Variants in TMEM178B observed in about 807,000 individuals in gnomAD.
The protein encoded by TMEM178B is transmembrane protein 178B.
In TMEM178B, 5 loss-of-function variants were observed where a neutral mutation model predicts 31.0. That is an observed-to-expected ratio of 0.16 (90% CI 0.08 to 0.34). The LOEUF is 0.34. TMEM178B is among the 10% of genes least tolerant of loss of function. The pLI, the probability that TMEM178B is intolerant of heterozygous loss-of-function variation, is 1.00. For missense variants in TMEM178B, 275 were observed against 400.3 expected, an observed-to-expected ratio of 0.69 and a Z score of 2.67; for synonymous variants, 164 against 164.0, an observed-to-expected ratio of 1.00 and a Z score of 0.00.
intron 2 of TMEM178B, among the ~76,000 whole-genome samples, chr7:141,364,738 A>C (rs1224186571): frequency 2.6e-5 from 4 of 151,704 alleles, no homozygotes; most frequent in Admixed American, 6.6e-5. Flanking sequence ...CAGGTAGGTA[A>C]CCCAAAGAAT....
chr7:141,244,297 A>G lies in TMEM178B; in HGVS notation c.496+31593A>G, dbSNP rs116686314. 8.2e-3 allele frequency among the ~76,000 whole-genome samples: 1,248 copies of G among 152,342 alleles called. 16 individuals are homozygous for G. Among genetic ancestry groups the G allele is most frequent in the African/African-American group, 0.029 (1,202 of 41,570 alleles). ...AGGTAACTGTGCAAAGCAGTGTTGTATTAAGTACCCAAATGATACTATGGC... is the reference window on the plus strand; with the variant it reads ...AGGTAACTGTGCAAAGCAGTGTTGTGTTAAGTACCCAAATGATACTATGGC... On this transcript the variant is annotated intron_variant, in intron 2 of 3. Transcript: ENST00000565468.
At chr7:141,458,225 T>C (rs1166316148) in intron 3 of TMEM178B, among the ~76,000 whole-genome samples, 1 of 152,206 alleles carries the variant, frequency 6.6e-6, no homozygotes, top group Non-Finnish European at 1.5e-5. Flanking sequence ...GTTCAAGCAA[T>C]TATCCTGCCT....
chr7:141,346,781 A>G (rs910632858), intron 2 of TMEM178B, among the ~76,000 whole-genome samples: 3 of 152,238 alleles, frequency 2.0e-5, no homozygotes, highest in Non-Finnish European at 4.4e-5. Context: ...ATAGGATTAC[A>G]TGTTTTACAA....
chr7:141,481,322 G>C (rs1474933940), downstream of TMEM178B, among the ~76,000 whole-genome samples: 1 of 152,178 alleles, frequency 6.6e-6, no homozygotes, highest in Admixed American at 6.5e-5. Context: ...CTCCCACCAA[G>C]ATGCATGGAA....
chr7:141,075,325 T>C (rs1794584786), intron 1 of TMEM178B, among the ~76,000 whole-genome samples: 1 of 151,860 alleles, frequency 6.6e-6, no homozygotes, highest in African/African-American at 2.4e-5. Context: ...GCATCGAATA[T>C]CAACAAGGTC....
intron 1 of TMEM178B, among the ~76,000 whole-genome samples, chr7:141,169,211 C>T (rs371268116): frequency 5.4e-4 from 82 of 152,282 alleles, no homozygotes; most frequent in African/African-American, 1.8e-3. Context: ...CTCCACCATC[C>T]GATAGGCCCC....
intron 1 of TMEM178B, among the ~76,000 whole-genome samples, chr7:141,150,327 G>T (rs1304565707): frequency 6.6e-6 from 1 of 152,186 alleles, no homozygotes; most frequent in Non-Finnish European, 1.5e-5. Flanking sequence ...GTAGGTCCAA[G>T]TCAGGATGCA....
intron 2 of TMEM178B, among the ~76,000 whole-genome samples, chr7:141,342,226 G>A (rs1407236345): frequency 1.3e-5 from 2 of 152,170 alleles, no homozygotes; most frequent in African/African-American, 2.4e-5. Context: ...GGGATTACAG[G>A]CATGAGCCAC....
chr7:141,461,133 G>C lies in TMEM178B; in HGVS notation c.635-9403G>C, dbSNP rs1055102153. Among the ~76,000 whole-genome samples, 8 of 152,168 alleles carry C rather than the reference G, an allele frequency of 5.3e-5. No individual in the cohort carries two copies. The highest frequency in any genetic ancestry group is 1.3e-4 in the Admixed American group (2 of 15,284). ...TTGAAGGAGGAGGCCCTCTCCTTCT[G>C]TTTGCTGATTTGGTTCTTGTTGGTT... is the stretch of plus-strand genomic sequence containing the variant. On this transcript the variant is annotated intron_variant, in intron 3 of 3. Coordinates refer to ENST00000565468, the MANE Select transcript of TMEM178B (RefSeq NM_001195278.2). This position sits in a 1 kb window ranked among gnomAD's most constrained non-coding sequence, Gnocchi z 4.0.
chr7:141,431,990 A>C (rs764087279), intron 2 of TMEM178B, among the ~76,000 whole-genome samples: 1 of 152,178 alleles, frequency 6.6e-6, no homozygotes, highest in Non-Finnish European at 1.5e-5. Context: ...AAAAAGCAAC[A>C]AAGATTTTTT....
At chr7:141,300,149 A>G (rs995684413) in intron 2 of TMEM178B, among the ~76,000 whole-genome samples, 1 of 152,098 alleles carries the variant, frequency 6.6e-6, no homozygotes, top group African/African-American at 2.4e-5. Context: ...TACAATCCAC[A>G]TTTGTTCGTG....
intron 1 of TMEM178B, among the ~76,000 whole-genome samples, chr7:141,205,815 T>C (rs1796953052): frequency 6.6e-6 from 1 of 152,218 alleles, no homozygotes; most frequent in Non-Finnish European, 1.5e-5. Context: ...TGAGAGCTGA[T>C]ACATGTGGGA....
At position 141,470,813 on chromosome 7, in the gene TMEM178B, T is replaced by C; in HGVS notation, c.*27T>C. On this transcript the variant is annotated 3_prime_UTR_variant, in exon 4 of 4. Transcript: ENST00000565468. ...AAACAAACCCATACATACATATATA[T>C]ATATAAATATATATATATAATATAC... is the stretch of plus-strand genomic sequence containing the variant. The C allele has an allele frequency of 1.0e-6, 1 of 1,001,920 alleles. No homozygotes were observed. The highest frequency in any genetic ancestry group is 1.2e-6 in the Non-Finnish European group (1 of 803,978). 62.1% of individuals were successfully genotyped at this position (1,001,920 alleles called of 1,614,324 possible).
intron 1 of TMEM178B, among the ~76,000 whole-genome samples, chr7:141,092,268 C>G (rs1794894095): frequency 6.6e-6 from 1 of 152,102 alleles, no homozygotes; most frequent in South Asian, 2.1e-4. Flanking sequence ...TTGGATATAG[C>G]ATCAGTGAGG....
intron 1 of TMEM178B, among the ~76,000 whole-genome samples, chr7:141,177,604 C>G (rs1796454733): frequency 6.6e-6 from 1 of 152,112 alleles, no homozygotes; most frequent in Non-Finnish European, 1.5e-5. Flanking sequence ...TCTCTAAGAA[C>G]TTGCTTTATG....
At position 141,325,018 on chromosome 7, in the gene TMEM178B, T is replaced by G. The variant is rs530891497; in HGVS notation, c.496+112314T>G. ...GTGGAGAGTAAGTGTGAGGGGCCGA[T>G]GACAATTTTCTCAGAAGCAAAAAAA... On this transcript the variant is annotated intron_variant, in intron 2 of 3. Transcript: ENST00000565468. 2.0e-5 allele frequency among the ~76,000 whole-genome samples: 3 copies of G among 152,192 alleles called. No homozygotes were observed. The South Asian group carries it at 6.2e-4, about 32-fold the overall frequency.
At chr7:141,355,395 C>G (rs1395691687) in intron 2 of TMEM178B, among the ~76,000 whole-genome samples, 1 of 152,160 alleles carries the variant, frequency 6.6e-6, no homozygotes, top group Non-Finnish European at 1.5e-5. Context: ...GACTGATAAT[C>G]CCTTCATCAG....
the TMEM178B span, among the ~76,000 whole-genome samples, chr7:141,486,395 C>T: frequency 2.0e-5 from 3 of 152,128 alleles, no homozygotes; most frequent in African/African-American, 7.2e-5. Flanking sequence ...CACAAATTTA[C>T]ACAAATTTTA....
intron 2 of TMEM178B, among the ~76,000 whole-genome samples, chr7:141,368,043 G>A (rs952204966): frequency 6.6e-6 from 1 of 152,172 alleles, no homozygotes; most frequent in African/African-American, 2.4e-5. Context: ...AAGGGGCCAG[G>A]CACAGTAGCT....
Sources: gnomAD v4.1 joint callset for allele counts (sites outside exome capture counted in the v4.1 genomes callset) on GRCh38, gnomAD v4.1.1 for gene constraint, Gnocchi (gnomAD v3.1) non-coding constraint, MANE v1.5 for transcripts, NCBI Gene and HGNC (gene_info 2026-07-23, HGNC 2026-07-21) for gene names.